Variants in FXN observed in about 807,000 individuals in gnomAD.
The protein encoded by FXN is frataxin.
In FXN, 14 loss-of-function variants were observed where a neutral mutation model predicts 22.4. The ratio of observed to expected loss-of-function variants is 0.62; its 90% CI spans 0.41 to 0.98. The LOEUF (loss-of-function observed/expected upper bound fraction) is 0.98, where lower values mean the gene tolerates loss of function less well. Ranked by LOEUF, FXN falls within the 50% of genes least tolerant of loss-of-function variation. The probability of loss-of-function intolerance (pLI) is 0.00; values close to 1 mark genes in which losing one functional copy is unlikely to be tolerated. For missense variants in FXN, 267 were observed against 268.4 expected (o/e 0.99, Z 0.04); for synonymous variants, 120 against 114.1 (o/e 1.05, Z -0.33).
intron 2 of FXN, among the ~76,000 whole-genome samples, chr9:69,051,445 G>T (rs1414998631): frequency 6.6e-6 from 1 of 151,114 alleles, no homozygotes; most frequent in Non-Finnish European, 1.5e-5. Flanking sequence ...TTTGAGAAGT[G>T]TTAAATAATC....
At chr9:69,046,178 C>CACTT (rs1831748504) in intron 1 of FXN, among the ~76,000 whole-genome samples, 1 of 151,914 alleles carries the variant, frequency 6.6e-6, no homozygotes, top group South Asian at 2.1e-4. Flanking sequence ...TTCTGAAGGG[C>CACTT]TAAGTAGGAA....
In FXN at chr9:69,075,056, T is replaced by TG. The variant is rs534914330; in HGVS notation, c.*2298dup. On this transcript the variant is annotated 3_prime_UTR_variant, in exon 5 of 5. Transcript: ENST00000484259. ...GGAAGTTAAGGAATCTGGGCTCTTA[T>TG]GGGGTCCTTGTGGGCCAGCCCTTCA... 272 of 985,454 alleles carry TG rather than the reference T, an allele frequency of 2.8e-4. 1 individual carries two copies. The African/African-American group carries it at 4.5e-3, about 16-fold the overall frequency. 61.0% of individuals were successfully genotyped at this position (985,454 alleles called of 1,614,324 possible).
chr9:69,070,500 CCAG>C (rs1832254287), intron 4 of FXN, among the ~76,000 whole-genome samples: 2 of 152,174 alleles, frequency 1.3e-5, no homozygotes, highest in Non-Finnish European at 2.9e-5. Flanking sequence ...ATGCAGAACA[CCAG>C]CTGGTTTGAT....
At chr9:69,038,523 T>C (rs1311499000) in intron 1 of FXN, among the ~76,000 whole-genome samples, 2 of 152,202 alleles carry the variant, frequency 1.3e-5, no homozygotes, top group African/African-American at 4.8e-5. Flanking sequence ...ATGTAATCAG[T>C]ATTTTAAAAA....
chr9:69,059,859 C>T (rs1832034181), intron 3 of FXN, among the ~76,000 whole-genome samples: 1 of 152,194 alleles, frequency 6.6e-6, no homozygotes, highest in Admixed American at 6.5e-5. Context: ...CTCCTCTCTT[C>T]AGATTTATAA....
At position 69,072,796 on chromosome 9, in the gene FXN, T is replaced by A. The variant is rs1420752193; in HGVS notation, c.*34T>A. ...CCCGTTTTAAGGACATTAAAAGCTA[T>A]CAGGCCAAGACCCCAGCTTCATTAT... On this transcript the variant is annotated 3_prime_UTR_variant, in exon 5 of 5. Transcript: ENST00000484259. 6.2e-6 allele frequency: 10 copies of A among 1,613,794 alleles called. No individual in the cohort carries two copies. The highest frequency in any genetic ancestry group is 8.5e-6 in the Non-Finnish European group (10 of 1,180,024).
intron 3 of FXN, among the ~76,000 whole-genome samples, chr9:69,058,777 T>G (rs1214690719): frequency 6.6e-6 from 1 of 152,042 alleles, no homozygotes; most frequent in Non-Finnish European, 1.5e-5. Flanking sequence ...AAAATGAAAG[T>G]GAGGGCCTGG....
intron 3 of FXN, among the ~76,000 whole-genome samples, chr9:69,055,316 G>A (rs1831935892): frequency 6.6e-6 from 1 of 152,156 alleles, no homozygotes; most frequent in South Asian, 2.1e-4. Flanking sequence ...AAACCAAGTT[G>A]CAGGCTAAAC....
chr9:69,070,728 TG>T (rs1832258568), intron 4 of FXN, among the ~76,000 whole-genome samples: 1 of 151,616 alleles, frequency 6.6e-6, no homozygotes, highest in African/African-American at 2.4e-5. Flanking sequence ...AAAAAAATTT[TG>T]TTTTTTTTTC....
At chr9:69,061,723 G>A (rs1450660652) in intron 3 of FXN, among the ~76,000 whole-genome samples, 1 of 127,110 alleles carries the variant, frequency 7.9e-6, no homozygotes, top group East Asian at 2.4e-4. Flanking sequence ...TCCCCTTCCT[G>A]TGACCATGTG....
intron 1 of FXN, among the ~76,000 whole-genome samples, chr9:69,044,392 C>T (rs1233554680): frequency 1.3e-5 from 2 of 152,190 alleles, no homozygotes; most frequent in Non-Finnish European, 2.9e-5. Flanking sequence ...CTAAGGTCTG[C>T]ACTCTGCCCC....
Position 69,065,118 on chromosome 9 carries a change from C to T in FXN, c.482+83C>T, listed in dbSNP as rs138487334. The T allele has an allele frequency of 1.7e-3, 1,861 of 1,095,030 alleles. 5 individuals are homozygous for T. Among genetic ancestry groups the T allele is most frequent in the South Asian group, 2.9e-3 (230 of 78,452 alleles). The allele number at this position is 1,095,030 out of a possible 1,614,324, so 67.8% of individuals were successfully genotyped here. A position where few individuals can be genotyped will look rare whatever the true frequency, so the allele number is the denominator to read the frequency against. ...ACATTGTGGACCATTTAAGAAATGT[C>T]GGCTGAGCACAGTGGCTGACACCTG... On this transcript the variant is annotated intron_variant, in intron 4 of 4. Transcript: ENST00000484259.
intron 3 of FXN, among the ~76,000 whole-genome samples, chr9:69,055,303 G>A (rs556863382): frequency 1.3e-5 from 2 of 152,242 alleles, no homozygotes; most frequent in South Asian, 2.1e-4. Context: ...TGTAACTGCA[G>A]GGAAACCAAG....
chr9:69,052,425 A>G (rs917619612), intron 2 of FXN, among the ~76,000 whole-genome samples: 1 of 151,988 alleles, frequency 6.6e-6, no homozygotes, highest in African/African-American at 2.4e-5. Context: ...AAGTCCTGGG[A>G]TTACAGACGT....
At position 69,076,601 on chromosome 9, in the gene FXN, GC is replaced by G; in HGVS notation, c.*3843del. 1 of 985,400 alleles carries G rather than the reference GC, an allele frequency of 1.0e-6. No individual in the cohort carries two copies. The highest frequency in any genetic ancestry group is 1.2e-6 in the Non-Finnish European group (1 of 829,922). The allele number at this position is 985,400 out of a possible 1,614,324, so 61.0% of individuals were successfully genotyped here. The stretch of plus-strand genomic sequence containing the variant: ...CAATATGCTTTATCCAGCTATACCT[GC>G]CCCAAATTCTGACAGATGCTTTTGC... On this transcript the variant is annotated 3_prime_UTR_variant, in exon 5 of 5. Coordinates refer to ENST00000484259, the MANE Select transcript of FXN (RefSeq NM_000144.5).
chr9:69,056,116 C>T (rs1358850660), intron 3 of FXN, among the ~76,000 whole-genome samples: 6 of 152,056 alleles, frequency 3.9e-5, no homozygotes, highest in African/African-American at 1.2e-4. Flanking sequence ...TGGCCTCAAG[C>T]GATTCTCTCA....
rs1158877439 is a variant in FXN, at chr9:69,076,710, A to G, written c.*3948A>G. 1 of 985,276 alleles carries G rather than the reference A, an allele frequency of 1.0e-6. No homozygotes were observed. The highest frequency in any genetic ancestry group is 1.7e-5 in the African/African-American group (1 of 57,210). The allele number at this position is 985,276 out of a possible 1,614,324, so 61.0% of individuals were successfully genotyped here. ...AAGGTTGCCAAGGAAAAATCGCTTTACGCTTCCAAGGTACACACTAAGATG... is the reference window on the plus strand; with the variant it reads ...AAGGTTGCCAAGGAAAAATCGCTTTGCGCTTCCAAGGTACACACTAAGATG... On this transcript the variant is annotated 3_prime_UTR_variant, in exon 5 of 5. Transcript: ENST00000484259.
rs564173975 is a variant in FXN at position 69,046,540 on chromosome 9, C to G, written c.263+58C>G. 6.1e-4 allele frequency: 733 copies of G among 1,199,510 alleles called. 2 individuals are homozygous for G. The African/African-American group carries it at 7.8e-3, about 13-fold the overall frequency. 74.3% of individuals were successfully genotyped at this position (1,199,510 alleles called of 1,614,324 possible). A position where few individuals can be genotyped will look rare whatever the true frequency, so the allele number is the denominator to read the frequency against. ...CTTCCTCTCTCCTTCCCTGCCTCTC[C>G]CATTAGAACCTGGTTTTCTTCCTGA... On this transcript the variant is annotated intron_variant, in intron 2 of 4. Coordinates refer to ENST00000484259, the MANE Select transcript of FXN (RefSeq NM_000144.5).
At chr9:69,052,915 T>C (rs1441441353) in intron 2 of FXN, among the ~76,000 whole-genome samples, 5 of 148,942 alleles carry the variant, frequency 3.4e-5, no homozygotes, top group Non-Finnish European at 5.9e-5. Context: ...CTGAGGCACG[T>C]GGTGGATCAC....
Sources: gnomAD v4.1 joint callset for allele counts (sites outside exome capture counted in the v4.1 genomes callset) on GRCh38, gnomAD v4.1.1 for gene constraint, MANE v1.5 for transcripts, NCBI Gene and HGNC (gene_info 2026-07-23, HGNC 2026-07-21) for gene names.